ST6GAL1: variants seen among roughly 807,000 people sequenced by gnomAD.
ST6GAL1 encodes ST6 beta-galactoside alpha-2,6-sialyltransferase 1.
In ST6GAL1, 20 loss-of-function variants were observed where a neutral mutation model predicts 38.0. The observed-to-expected ratio is 0.53, with a 90% confidence interval of 0.37 to 0.77. The LOEUF is 0.77. Among genes scored for constraint, ST6GAL1 ranks in the 30% least tolerant of loss-of-function variants. The pLI is 0.00. For synonymous variants in ST6GAL1, 196 were observed against 188.2 expected (o/e 1.04, Z -0.34); for missense variants, 432 against 496.4 (o/e 0.87, Z 1.23).
chr3:186,959,044 G>T (rs940535165), intron 1 of ST6GAL1, among the ~76,000 whole-genome samples: 8 of 151,812 alleles, frequency 5.3e-5, no homozygotes, highest in Admixed American at 2.6e-4. Flanking sequence ...TATCCAGATT[G>T]GCACCTAAAA....
chr3:187,072,796 C>A, intron 5 of ST6GAL1, 53 bp from the exon 6 acceptor site: 1 of 1,498,598 alleles, frequency 6.7e-7, no homozygotes, highest in Non-Finnish European at 9.3e-7. Context: ...TACTTCATGT[C>A]AAACATTTGC....
chr3:186,959,516 C>G (rs1366576251), intron 1 of ST6GAL1, among the ~76,000 whole-genome samples: 1 of 150,712 alleles, frequency 6.6e-6, no homozygotes, highest in African/African-American at 2.4e-5. Flanking sequence ...TAGTTGCTAA[C>G]AAAAAAAAAT....
intron 4 of ST6GAL1, among the ~76,000 whole-genome samples, chr3:187,048,616 G>T (rs1448847296): frequency 1.3e-5 from 2 of 152,184 alleles, no homozygotes; most frequent in African/African-American, 4.8e-5. Flanking sequence ...TACTGTCTAT[G>T]TCCGTGCAGT....
intron 2 of ST6GAL1, among the ~76,000 whole-genome samples, chr3:187,027,674 G>A (rs1717592617): frequency 6.6e-6 from 1 of 152,106 alleles, no homozygotes; most frequent in Admixed American, 6.6e-5. Flanking sequence ...TGACAGAACC[G>A]ACTTTCCGGA....
chr3:186,963,949 C>G (rs1223760082), intron 2 of ST6GAL1, 23 bp downstream of exon 2: 1 of 152,376 alleles, frequency 6.6e-6, no homozygotes, highest in African/African-American at 2.4e-5. Context: ...GAAGCCCAGC[C>G]TGAGGAAGAG....
intron 5 of ST6GAL1, chr3:187,064,537 T>G: frequency 2.2e-6 from 1 of 456,760 alleles, no homozygotes; most frequent in Non-Finnish European, 4.4e-6. Context: ...TGCACCATTG[T>G]GCCAGGGCTG....
chr3:186,944,383 G>A (rs1164173385), intron 1 of ST6GAL1, among the ~76,000 whole-genome samples: 3 of 152,142 alleles, frequency 2.0e-5, no homozygotes, highest in Non-Finnish European at 4.4e-5. Context: ...CAAAATTATT[G>A]TCTCACTTAA....
At chr3:187,024,487 TATATATAGAGAG>T (rs1560166723) in intron 2 of ST6GAL1, among the ~76,000 whole-genome samples, 5 of 68,174 alleles carry the variant, frequency 7.3e-5, no homozygotes, top group South Asian at 6.1e-4. Context: ...TATATATATA[TATATATAGAGAG>T]AGAGAGAGAG....
At chr3:187,041,555 C>G (rs886715892) in intron 3 of ST6GAL1, among the ~76,000 whole-genome samples, 1 of 152,180 alleles carries the variant, frequency 6.6e-6, no homozygotes, top group Non-Finnish European at 1.5e-5. Flanking sequence ...ACTATTCAGT[C>G]TCTATTTGCT....
intron 5 of ST6GAL1, among the ~76,000 whole-genome samples, chr3:187,065,511 GA>G (rs564020625): frequency 2.6e-3 from 394 of 152,320 alleles, no homozygotes; most frequent in South Asian, 7.3e-3. Flanking sequence ...GAGTCAACAG[GA>G]AAAATGATAT....
chr3:186,980,766 CAAAAAA>C (rs58623543), intron 2 of ST6GAL1, among the ~76,000 whole-genome samples: 1 of 121,438 alleles, frequency 8.2e-6, no homozygotes, highest in African/African-American at 3.1e-5. Context: ...GACTCCATCT[CAAAAAA>C]AAAAAAAAAA....
intron 1 of ST6GAL1, among the ~76,000 whole-genome samples, chr3:186,941,496 G>A (rs1253812337): frequency 1.3e-5 from 2 of 152,106 alleles, no homozygotes; most frequent in African/African-American, 4.8e-5. Flanking sequence ...GTCTGCAAGA[G>A]ATAAAAATAA....
chr3:187,012,124 A>G (rs1716973949), intron 2 of ST6GAL1, among the ~76,000 whole-genome samples: 1 of 152,174 alleles, frequency 6.6e-6, no homozygotes, highest in African/African-American at 2.4e-5. Context: ...CTCTTGCTAC[A>G]CATCTGCCAC....
chr3:187,017,641 G>A (rs760266774), intron 2 of ST6GAL1, among the ~76,000 whole-genome samples: 1 of 152,194 alleles, frequency 6.6e-6, no homozygotes, highest in Non-Finnish European at 1.5e-5. Flanking sequence ...TAAGACGAGC[G>A]AGGTAAACAG....
At chr3:187,056,538 T>G (rs60811102) in intron 5 of ST6GAL1, among the ~76,000 whole-genome samples, 2,657 of 152,220 alleles carry the variant, frequency 0.017, 85 homozygotes, top group African/African-American at 0.061. Flanking sequence ...CTGTAAAGGA[T>G]TTTATTTCTC....
intron 2 of ST6GAL1, among the ~76,000 whole-genome samples, chr3:186,964,794 A>G (rs1034522288): frequency 1.3e-5 from 2 of 152,298 alleles, no homozygotes; most frequent in East Asian, 3.9e-4. Flanking sequence ...TTCCGATTAG[A>G]TAAGCAAGCT....
At chr3:186,954,290 A>G (rs766126260) in intron 1 of ST6GAL1, among the ~76,000 whole-genome samples, 6 of 152,224 alleles carry the variant, frequency 3.9e-5, no homozygotes, top group Non-Finnish European at 8.8e-5. Flanking sequence ...TGCGATGAAC[A>G]TATGCGTGCA....
intron 2 of ST6GAL1, among the ~76,000 whole-genome samples, chr3:186,976,014 CCTT>C (rs149802260): frequency 1.4e-4 from 21 of 152,342 alleles, no homozygotes; most frequent in African/African-American, 4.8e-4. Context: ...CCACTGGTCT[CCTT>C]CTTCCCCACC....
At chr3:187,024,988 C>CGTGCGTGTGT (rs1553827909) in intron 2 of ST6GAL1, 2 of 145,594 alleles carry the variant, frequency 1.4e-5, no homozygotes, top group Non-Finnish European at 3.0e-5. Flanking sequence ...GAACCTGGTG[C>CGTGCGTGTGT]GTGTGTGTGT....
Sources: gnomAD v4.1 joint callset for allele counts (sites outside exome capture counted in the v4.1 genomes callset) on GRCh38, gnomAD v4.1.1 for gene constraint, MANE v1.5 for transcripts, NCBI Gene and HGNC (gene_info 2026-07-23, HGNC 2026-07-21) for gene names.